Variants in MCC observed in about 807,000 individuals in gnomAD.
The protein encoded by MCC is MCC regulator of Wnt signaling pathway.
Under a neutral mutation model 116.2 loss-of-function variants are expected in MCC, and 90 were observed. The ratio of observed to expected loss-of-function variants is 0.77; its 90% confidence interval spans 0.65 to 0.92. The LOEUF (loss-of-function observed/expected upper bound fraction) is 0.92, where lower values mean the gene tolerates loss of function less well. Among genes scored for constraint, MCC ranks in the 40% least tolerant of loss-of-function variants. MCC has a pLI of 0.00. For missense variants in MCC, 1,516 were observed against 1,312.2 expected (o/e 1.16, Z -2.40); for synonymous variants, 578 against 510.5 (o/e 1.13, Z -1.78).
intron 3 of MCC, among the ~76,000 whole-genome samples, chr5:113,313,150 G>C (rs1320929092): frequency 1.3e-5 from 2 of 152,108 alleles, no homozygotes; most frequent in African/African-American, 4.8e-5. Flanking sequence ...TTCATGACCA[G>C]CCTGGCCAAC....
chr5:113,191,887 C>G (rs905069257), intron 3 of MCC, among the ~76,000 whole-genome samples: 2 of 152,140 alleles, frequency 1.3e-5, no homozygotes, highest in African/African-American at 4.8e-5. Context: ...TGGACTTTAA[C>G]TGATTCAACA....
chr5:113,171,626 A>G (rs139324361), intron 3 of MCC, among the ~76,000 whole-genome samples: 45 of 152,128 alleles, frequency 3.0e-4, no homozygotes, highest in African/African-American at 1.0e-3. Flanking sequence ...AAATGCTGAG[A>G]TTAGGGGCAT....
chr5:113,132,451 C>CAT (rs1405150950), intron 5 of MCC, among the ~76,000 whole-genome samples: 20 of 124,452 alleles, frequency 1.6e-4, no homozygotes, highest in African/African-American at 5.8e-4. Flanking sequence ...TATACACACA[C>CAT]ACACACACAC....
chr5:113,105,313 A>C (rs755836592), intron 6 of MCC, among the ~76,000 whole-genome samples: 33 of 152,186 alleles, frequency 2.2e-4, no homozygotes, highest in Non-Finnish European at 4.4e-4. Flanking sequence ...GGTTCCATGT[A>C]CTAAAATGGT....
intron 3 of MCC, among the ~76,000 whole-genome samples, chr5:113,238,223 G>A (rs772704812): frequency 2.0e-5 from 3 of 152,072 alleles, no homozygotes; most frequent in African/African-American, 4.8e-5. Flanking sequence ...TCAAACTGAT[G>A]AGCTTCTGGC....
chr5:113,051,116 T>G (rs1283039305), intron 15 of MCC, among the ~76,000 whole-genome samples: 2 of 152,174 alleles, frequency 1.3e-5, no homozygotes, highest in African/African-American at 4.8e-5. Context: ...CAACTAGTCC[T>G]AAACCTCAGA....
rs963573357 is a variant in MCC at position 113,026,697 on chromosome 5, G to A, written c.*605C>T. On this transcript the variant is annotated 3_prime_UTR_variant, in exon 19 of 19. Coordinates refer to ENST00000408903, the MANE Select transcript of MCC (RefSeq NM_001085377.2). ...TTGTAACTTTAGTGTATCTGGGACT[G>A]TAAGTAACACCTGTCTACGCTCTTC... 2.6e-5 allele frequency: 4 copies of A among 152,364 alleles called. No individual in the cohort carries two copies. 9.4% of individuals were successfully genotyped at this position (152,364 alleles called of 1,614,324 possible).
rs1356683078 is a variant in MCC, at chr5:113,467,495, G to C, written c.170+20750C>G. Reference sequence around the variant, plus strand: ...GTTTATGAAAGATCAGATAGTTGTAGATATGCAGCATTATTTCTGAGGGCT... The same window carrying C: ...GTTTATGAAAGATCAGATAGTTGTACATATGCAGCATTATTTCTGAGGGCT... On this transcript the variant is annotated intron_variant, in intron 1 of 18. Transcript: ENST00000408903. 2.6e-5 allele frequency among the ~76,000 whole-genome samples: 4 copies of C among 152,260 alleles called. No individual in the cohort carries two copies. The South Asian group carries it at 6.2e-4, about 24-fold the overall frequency.
In MCC at chr5:113,434,647, C is replaced by A; in HGVS notation, c.171-49435G>T. On this transcript the variant is annotated intron_variant, in intron 1 of 18. Transcript: ENST00000408903. This position sits in a 1 kb window ranked among gnomAD's most constrained non-coding sequence, Gnocchi z 4.2. ...ATGATGGAGCAGTGGTTTAACATGGCCAGAATCTCAATTTCCCGGGGAAGG... is the reference window on the plus strand; with the variant it reads ...ATGATGGAGCAGTGGTTTAACATGGACAGAATCTCAATTTCCCGGGGAAGG... 6.2e-7 allele frequency: 1 copy of A among 1,613,904 alleles called. No individual in the cohort carries two copies. The highest frequency in any genetic ancestry group is 1.6e-4 in the Middle Eastern group (1 of 6,062).
chr5:113,410,741 T>G (rs1769967037), intron 1 of MCC, among the ~76,000 whole-genome samples: 1 of 152,172 alleles, frequency 6.6e-6, no homozygotes, highest in Non-Finnish European at 1.5e-5. Flanking sequence ...TTTCTCCCAG[T>G]GCTATCCCTC....
At chr5:113,334,906 A>T (rs968139007) in intron 3 of MCC, among the ~76,000 whole-genome samples, 6 of 151,592 alleles carry the variant, frequency 4.0e-5, no homozygotes, top group South Asian at 4.1e-4. Context: ...TCTGAATTTT[A>T]AAAAAATCAA....
chr5:113,151,909 G>T (rs1351156383), intron 3 of MCC, among the ~76,000 whole-genome samples: 1 of 151,992 alleles, frequency 6.6e-6, no homozygotes, highest in East Asian at 1.9e-4. Context: ...GCATTAAGGG[G>T]AAAAAAGCAG....
At chr5:113,271,654 C>T (rs1442121378) in intron 3 of MCC, among the ~76,000 whole-genome samples, 1 of 152,138 alleles carries the variant, frequency 6.6e-6, no homozygotes, top group Non-Finnish European at 1.5e-5. Context: ...AACTTAATCC[C>T]CAGCACAATA....
chr5:113,429,145 T>C (rs567561014), intron 1 of MCC, among the ~76,000 whole-genome samples: 3 of 152,220 alleles, frequency 2.0e-5, no homozygotes, highest in Admixed American at 6.5e-5. Context: ...CAAATTCATA[T>C]GCTGAAGCTC....
At chr5:113,268,104 A>G (rs1195473801) in intron 3 of MCC, among the ~76,000 whole-genome samples, 1 of 152,124 alleles carries the variant, frequency 6.6e-6, no homozygotes, top group Non-Finnish European at 1.5e-5. Context: ...CCTCAACTCT[A>G]CAAACCTGGG....
intron 1 of MCC, among the ~76,000 whole-genome samples, chr5:113,454,645 T>A (rs556243876): frequency 6.6e-6 from 1 of 152,314 alleles, no homozygotes; most frequent in Admixed American, 6.5e-5. Context: ...GTTCCCACAT[T>A]ATCAGCATTA....
intron 5 of MCC, among the ~76,000 whole-genome samples, chr5:113,125,852 C>G (rs902519160): frequency 6.6e-6 from 1 of 152,166 alleles, no homozygotes; most frequent in African/African-American, 2.4e-5. Context: ...GCATTCTTCT[C>G]AAGCAATAAC....
intron 11 of MCC, among the ~76,000 whole-genome samples, chr5:113,075,181 C>T (rs1306096438): frequency 6.6e-6 from 1 of 152,240 alleles, no homozygotes; most frequent in Non-Finnish European, 1.5e-5. Flanking sequence ...AGCACCCGGG[C>T]CAGCAGCTGT....
Position 113,053,882 on chromosome 5 carries a change from T to A in MCC, c.2291A>T (p.Gln764Leu). 6.2e-7 allele frequency: 1 copy of A among 1,614,130 alleles called. No individual in the cohort carries two copies. ...CGCAGCCCTGTCATTCTTGAGCTGCTGGATATAATCCTTCAGCCTCTGCTC... is the reference window on the plus strand; with the variant it reads ...CGCAGCCCTGTCATTCTTGAGCTGCAGGATATAATCCTTCAGCCTCTGCTC... ...EDEQRLKDYI[Q>L]QLKNDRAAVK... The change falls in exon 15 of 19, where the codon CAG becomes CTG. Residue 764 changes from glutamine to leucine, a missense_variant. Transcript: ENST00000408903.
Sources: allele counts gnomAD v4.1 joint callset (sites outside exome capture counted in the v4.1 genomes callset), GRCh38; gene constraint gnomAD v4.1.1; non-coding constraint Gnocchi (gnomAD v3.1); transcripts MANE v1.5; gene names NCBI Gene and HGNC (gene_info 2026-07-23, HGNC 2026-07-21).